Variants in LIG1 observed in about 807,000 individuals in gnomAD.
LIG1 encodes DNA ligase 1, also known as ligase I, DNA, ATP-dependent.
Under a neutral mutation model 115.7 loss-of-function variants are expected in LIG1, and 70 were observed. That is an observed-to-expected ratio of 0.60 (90% CI 0.50 to 0.74). The LOEUF is 0.74. LIG1 is among the 30% of genes least tolerant of loss of function. The pLI, the probability that LIG1 is intolerant of heterozygous loss-of-function variation, is 0.00. For missense variants in LIG1, 1,115 were observed against 1,225.6 expected (o/e 0.91, Z 1.35); for synonymous variants, 487 against 495.3 (o/e 0.98, Z 0.22).
At chr19:48,118,234 G>A (rs1287831743) in intron 25 of LIG1, among the ~76,000 whole-genome samples, 4 of 152,182 alleles carry the variant, frequency 2.6e-5, no homozygotes, top group African/African-American at 4.8e-5. Flanking sequence ...GTCAGGGTCC[G>A]TGTGTCCCCA....
intron 20 of LIG1, 185 bp from the exon 21 acceptor site, chr19:48,127,533 A>G (rs1229107359): frequency 1.6e-6 from 1 of 631,652 alleles, no homozygotes; most frequent in African/African-American, 1.8e-5. Flanking sequence ...AATTCCGACA[A>G]CCTCATTCCC....
intron 11 of LIG1, among the ~76,000 whole-genome samples, chr19:48,142,459 A>G (rs2034836363): frequency 6.7e-6 from 1 of 149,352 alleles, no homozygotes; most frequent in Non-Finnish European, 1.5e-5. Context: ...AAAAAAAAAC[A>G]GAGTGCTGGG....
At chr19:48,164,403 A>T (rs2036361887) in intron 2 of LIG1, among the ~76,000 whole-genome samples, 1 of 152,140 alleles carries the variant, frequency 6.6e-6, no homozygotes, top group Non-Finnish European at 1.5e-5. Context: ...TCCTGGTAAC[A>T]GCCCCTCCGT....
intron 24 of LIG1, among the ~76,000 whole-genome samples, chr19:48,119,529 C>CT (rs71334267): frequency 0.085 from 5,753 of 68,016 alleles, 1,417 homozygotes; most frequent in African/African-American, 0.17. Context: ...CACTTCCAGT[C>CT]TTTTTTTTTT....
At chr19:48,135,529 TCAC>T in intron 16 of LIG1, 148 bp downstream of exon 16, 1 of 750,996 alleles carries the variant, frequency 1.3e-6, no homozygotes, top group Admixed American at 1.8e-5. Context: ...CTTGTCTAGA[TCAC>T]CACCTCTGCT....
intron 19 of LIG1, among the ~76,000 whole-genome samples, chr19:48,129,351 CTGTT>C (rs1413641245): frequency 1.3e-5 from 2 of 152,194 alleles, no homozygotes; most frequent in Admixed American, 6.5e-5. Context: ...CCGGCCAGGC[CTGTT>C]TGTTACATAG....
At chr19:48,125,085 T>C (rs894917619) in intron 21 of LIG1, among the ~76,000 whole-genome samples, 1 of 150,616 alleles carries the variant, frequency 6.6e-6, no homozygotes, top group Non-Finnish European at 1.5e-5. Context: ...TACATAAAAA[T>C]AGTTCATCCA....
intron 16 of LIG1, among the ~76,000 whole-genome samples, chr19:48,134,406 C>G (rs966149543): frequency 1.1e-4 from 16 of 152,158 alleles, no homozygotes; most frequent in Non-Finnish European, 2.1e-4. Context: ...GCATGTAATC[C>G]CAGCACTTTG....
chr19:48,117,222 T>G (rs1189150542), intron 26 of LIG1, among the ~76,000 whole-genome samples: 2 of 150,348 alleles, frequency 1.3e-5, no homozygotes, highest in African/African-American at 4.9e-5. Context: ...TACAGTGGTG[T>G]GATCTCGGCT....
At chr19:48,140,527 T>C (rs959358304) in intron 11 of LIG1, among the ~76,000 whole-genome samples, 3 of 152,190 alleles carry the variant, frequency 2.0e-5, no homozygotes, top group Non-Finnish European at 2.9e-5. Context: ...AGACCCCTTT[T>C]TGCCTAAGGA....
Position 48,150,161 on chromosome 19 carries a change from C to T in LIG1, c.624G>A (p.Lys208=), listed in dbSNP as rs141408805. The part of the protein sequence containing the change: ...ESVSEPEVAT[K]QELQEEEEQT... ...GCTCTTCCTCCTCCTGCAGTTCCTG[C>T]TTCGTGGCCACCTCAGGCTCTGAAA... The change falls in exon 8 of 28, where the codon AAG becomes AAA. Residue 208 remains lysine (K), a synonymous_variant. Coordinates refer to ENST00000263274, the MANE Select transcript of LIG1 (RefSeq NM_000234.3). 1.1e-5 allele frequency: 17 copies of T among 1,614,208 alleles called. No individual in the cohort carries two copies. The African/African-American group carries it at 1.2e-4, about 11-fold the overall frequency.
intron 18 of LIG1, among the ~76,000 whole-genome samples, chr19:48,132,120 T>G (rs2034065052): frequency 6.6e-6 from 1 of 151,880 alleles, no homozygotes; most frequent in Non-Finnish European, 1.5e-5. Context: ...GTGGTTTTAG[T>G]AGAGATGGGG....
rs2033065510 is a variant in LIG1 at position 48,118,937 on chromosome 19, G to T, written c.2439+200C>A. ...TGGGGAGGTGAGGCTGCTTGAGCAG[G>T]GTCACCAGCTAGTAGCCGGCAGTGC... On this transcript the variant is annotated intron_variant, in intron 25 of 27. Coordinates refer to ENST00000263274, the MANE Select transcript of LIG1 (RefSeq NM_000234.3). Among the ~76,000 whole-genome samples the T allele has an allele frequency of 2.0e-5, 3 of 152,246 alleles. No homozygotes were observed. The South Asian group carries it at 6.2e-4, about 32-fold the overall frequency.
chr19:48,116,565 C>T (rs1170538306), intron 26 of LIG1, among the ~76,000 whole-genome samples: 1 of 152,040 alleles, frequency 6.6e-6, no homozygotes, highest in African/African-American at 2.4e-5. Context: ...CTGTGGGATT[C>T]CAATCCCAGC....
chr19:48,134,208 C>T (rs1000366309), intron 16 of LIG1, 142 bp from the exon 17 acceptor site: 2 of 699,446 alleles, frequency 2.9e-6, no homozygotes, highest in African/African-American at 3.5e-5. Context: ...CTCCTCTTGC[C>T]ACCCTGTCTC....
intron 6 of LIG1, among the ~76,000 whole-genome samples, 181 bp downstream of exon 6, chr19:48,153,691 C>CACACACACA (rs1568538385): frequency 2.6e-5 from 3 of 113,704 alleles, no homozygotes; most frequent in African/African-American, 6.8e-5. Flanking sequence ...CACACACACA[C>CACACACACA]CTCTCCTTCT....
At chr19:48,153,066 G>GT (rs2035575349) in intron 6 of LIG1, among the ~76,000 whole-genome samples, 1 of 151,792 alleles carries the variant, frequency 6.6e-6, no homozygotes, top group South Asian at 2.1e-4. Flanking sequence ...GCGTGGTGGT[G>GT]TGTCTGTAAT....
At position 48,151,237 on chromosome 19, in the gene LIG1, G is replaced by C; in HGVS notation, c.569C>G (p.Thr190Ser). Residue 190 changes from threonine to serine, a missense_variant, in exon 7 of 28, where the codon ACC becomes AGC. Thr to Ser is a moderately conservative substitution (Grantham distance 58). Coordinates refer to ENST00000263274, the MANE Select transcript of LIG1 (RefSeq NM_000234.3). ...QPTTPPKPLK[T>S]SKAETPTESV... is the part of the protein sequence containing the mutation. ...GGAGAGGACCAGAAACTCACTGGAG[G>C]TCTTTAGGGGCTTGGGAGGCGTGGT... 6.2e-7 allele frequency: 1 copy of C among 1,609,654 alleles called. No individual in the cohort carries two copies. Among genetic ancestry groups the C allele is most frequent in the Non-Finnish European group, 8.5e-7 (1 of 1,175,984 alleles).
At chr19:48,148,812 T>C (rs3730920) in intron 9 of LIG1, among the ~76,000 whole-genome samples, 19,910 of 152,114 alleles carry the variant, frequency 0.13, 2,052 homozygotes, top group African/African-American at 0.28. Flanking sequence ...ATTAACAAAA[T>C]TACAGTGAAG....
Sources: gnomAD v4.1 joint callset for allele counts (sites outside exome capture counted in the v4.1 genomes callset) on GRCh38, gnomAD v4.1.1 for gene constraint, MANE v1.5 for transcripts, NCBI Gene and HGNC (gene_info 2026-07-23, HGNC 2026-07-21) for gene names.